NBEA: variants seen among roughly 807,000 people sequenced by gnomAD.
The protein encoded by NBEA is lysosomal-trafficking regulator 2.
A neutral mutation model predicts 343.4 loss-of-function variants in NBEA; 44 were observed. The ratio of observed to expected loss-of-function variants is 0.13; its 90% CI spans 0.10 to 0.16. The LOEUF is 0.16. NBEA is among the 10% of genes least tolerant of loss of function. NBEA has a pLI of 1.00. For synonymous variants in NBEA, 1,175 were observed against 1,238.7 expected, an observed-to-expected ratio of 0.95 and a Z score of 1.08; for missense variants, 2,555 against 3,631.3, an observed-to-expected ratio of 0.70 and a Z score of 7.62.
At chr13:35,490,906 A>C (rs943249858) in intron 41 of NBEA, among the ~76,000 whole-genome samples, 18 of 151,956 alleles carry the variant, frequency 1.2e-4, no homozygotes, top group Non-Finnish European at 2.7e-4. Context: ...CCCAGGCTCC[A>C]GAGTGTGCTT....
intron 39 of NBEA, among the ~76,000 whole-genome samples, chr13:35,445,151 C>A (rs942303006): frequency 1.3e-5 from 2 of 152,088 alleles, no homozygotes; most frequent in African/African-American, 4.8e-5. Flanking sequence ...AGACCATAGA[C>A]TCATGCTTTA....
intron 36 of NBEA, among the ~76,000 whole-genome samples, chr13:35,341,262 T>C (rs2039567178): frequency 6.6e-6 from 1 of 151,870 alleles, no homozygotes; most frequent in South Asian, 2.1e-4. Flanking sequence ...GAATTCAAAA[T>C]GCATGAAAGA....
At chr13:35,221,565 A>G (rs1348963138) in intron 33 of NBEA, among the ~76,000 whole-genome samples, 4 of 152,142 alleles carry the variant, frequency 2.6e-5, no homozygotes, top group African/African-American at 9.6e-5. Context: ...CCTATGTAGT[A>G]TCTGAAAGAT....
intron 28 of NBEA, 125 bp downstream of exon 28, chr13:35,177,228 C>CA: frequency 1.6e-6 from 1 of 641,186 alleles, no homozygotes; most frequent in Admixed American, 2.8e-5. Flanking sequence ...TGGTTTATTG[C>CA]ATACTTCTCA....
intron 34 of NBEA, among the ~76,000 whole-genome samples, chr13:35,252,408 G>GC (rs1181635868): frequency 6.6e-6 from 1 of 152,148 alleles, no homozygotes; most frequent in Non-Finnish European, 1.5e-5. Flanking sequence ...GAAACACAAA[G>GC]CCTAACCATA....
At chr13:35,095,112 T>A (rs2065266215) in intron 10 of NBEA, among the ~76,000 whole-genome samples, 1 of 151,740 alleles carries the variant, frequency 6.6e-6, no homozygotes, top group Non-Finnish European at 1.5e-5. Flanking sequence ...TCACTCTTAA[T>A]CATTTTAGTT....
At chr13:35,248,183 G>A (rs75486234) in intron 34 of NBEA, among the ~76,000 whole-genome samples, 6,823 of 152,214 alleles carry the variant, frequency 0.045, 180 homozygotes, top group South Asian at 0.079. Context: ...AATATCCATT[G>A]TGAATATTAA....
At position 35,440,319 on chromosome 13, in the gene NBEA, G is replaced by A. The variant is rs201495896; in HGVS notation, c.6304+7926G>A. Among the ~76,000 whole-genome samples, 35 of 152,252 alleles carry A rather than the reference G, an allele frequency of 2.3e-4. No individual in the cohort carries two copies. The East Asian group carries it at 6.4e-3, about 28-fold the overall frequency. On this transcript the variant is annotated intron_variant, in intron 39 of 58. Coordinates refer to ENST00000379939, the MANE Select transcript of NBEA (RefSeq NM_001385012.1). ...TTCCAAATCATTTCTGACTGTCATG[G>A]AACTAATTTAGATCATTGTTCAGAA... is the stretch of plus-strand genomic sequence containing the variant.
At chr13:35,568,362 A>C (rs2080232732) in intron 45 of NBEA, among the ~76,000 whole-genome samples, 1 of 152,196 alleles carries the variant, frequency 6.6e-6, no homozygotes, top group African/African-American at 2.4e-5. Flanking sequence ...ACTGGTAGAA[A>C]TAAATTGCTA....
At chr13:35,349,259 A>C (rs776237773) in intron 37 of NBEA, 43 bp downstream of exon 37, 1 of 1,216,992 alleles carries the variant, frequency 8.2e-7, no homozygotes, top group Non-Finnish European at 1.2e-6. Flanking sequence ...TTCTATTATA[A>C]GCCAAAAATC....
chr13:35,588,435 G>C (rs1404212109), intron 46 of NBEA, among the ~76,000 whole-genome samples: 1 of 149,036 alleles, frequency 6.7e-6, no homozygotes, highest in African/African-American at 2.5e-5. Context: ...ATAAGTGTCT[G>C]TCCTTTACCT....
At chr13:34,948,333 G>A (rs1271962739) in intron 1 of NBEA, among the ~76,000 whole-genome samples, 1 of 151,050 alleles carries the variant, frequency 6.6e-6, no homozygotes, top group Non-Finnish European at 1.5e-5. Flanking sequence ...AGGGTAGCGA[G>A]CCAGAGTAGG....
At chr13:35,267,255 T>C (rs1305318528) in intron 34 of NBEA, among the ~76,000 whole-genome samples, 1 of 151,810 alleles carries the variant, frequency 6.6e-6, no homozygotes, top group African/African-American at 2.4e-5. Flanking sequence ...GCTATGAGGG[T>C]GAATGTAAAG....
At chr13:35,044,838 AG>A in intron 2 of NBEA, 108 bp from the exon 3 acceptor site, 1 of 580,990 alleles carries the variant, frequency 1.7e-6, no homozygotes, top group Non-Finnish European at 3.0e-6. Flanking sequence ...ATAGAGAGAG[AG>A]AGAGAGAGAG....
intron 48 of NBEA, among the ~76,000 whole-genome samples, chr13:35,623,386 TTAGA>T (rs1443610013): frequency 6.6e-6 from 1 of 152,196 alleles, no homozygotes; most frequent in Non-Finnish European, 1.5e-5. Flanking sequence ...TGTTCCATTC[TTAGA>T]TATTCATTTA....
At chr13:35,156,022 C>A in intron 19 of NBEA, 61 bp from the exon 20 acceptor site, 1 of 1,519,046 alleles carries the variant, frequency 6.6e-7, no homozygotes, top group South Asian at 1.2e-5. Flanking sequence ...GTTGGTAATA[C>A]TTTTTGAGTT....
intron 10 of NBEA, among the ~76,000 whole-genome samples, chr13:35,097,856 T>A (rs1415529502): frequency 6.6e-6 from 1 of 152,060 alleles, no homozygotes; most frequent in Non-Finnish European, 1.5e-5. Context: ...AAAGTTTATT[T>A]AAAAATAGAG....
intron 33 of NBEA, among the ~76,000 whole-genome samples, chr13:35,221,109 G>T (rs1439021020): frequency 6.6e-6 from 1 of 151,986 alleles, no homozygotes; most frequent in Admixed American, 6.6e-5. Flanking sequence ...ATTTTGGGAG[G>T]CCGAGGTGGG....
At chr13:35,276,255 A>G (rs888398090) in intron 34 of NBEA, among the ~76,000 whole-genome samples, 1 of 152,112 alleles carries the variant, frequency 6.6e-6, no homozygotes, top group African/African-American at 2.4e-5. Flanking sequence ...TTCTAATACA[A>G]TTGGTGTATT....
Sources: allele counts gnomAD v4.1 joint callset (sites outside exome capture counted in the v4.1 genomes callset), GRCh38; gene constraint gnomAD v4.1.1; transcripts MANE v1.5; gene names NCBI Gene and HGNC (gene_info 2026-07-23, HGNC 2026-07-21).